The following MTAP variants were observed in gnomAD, a reference collection of about 807,000 sequenced individuals.
The protein encoded by MTAP is methylthioadenosine phosphorylase, also known as S-methyl-5'-thioadenosine phosphorylase.
A neutral mutation model predicts 33.6 loss-of-function variants in MTAP; 33 were observed. The observed-to-expected ratio is 0.98, with a 90% CI of 0.74 to 1.31. The LOEUF (loss-of-function observed/expected upper bound fraction) is 1.31, where lower values mean the gene tolerates loss of function less well. Among genes scored for constraint, MTAP ranks in the 40% most tolerant of loss-of-function variants. The pLI, the probability that MTAP is intolerant of heterozygous loss-of-function variation, is 0.00. For missense variants in MTAP, 367 were observed against 360.0 expected (o/e 1.02, Z -0.16); for synonymous variants, 148 against 125.7 (o/e 1.18, Z -1.19).
intron 1 of MTAP, among the ~76,000 whole-genome samples, chr9:21,885,809 TGTGTGTGTG>T: frequency 6.6e-6 from 1 of 151,844 alleles, no homozygotes; most frequent in African/African-American, 2.4e-5. Context: ...TGTGTGTGTG[TGTGTGTGTG>T]TGTATACAGA....
intron 5 of MTAP, among the ~76,000 whole-genome samples, chr9:21,848,399 T>C (rs1306082740): frequency 6.6e-6 from 1 of 152,090 alleles, no homozygotes; most frequent in African/African-American, 2.4e-5. Context: ...GGAAGGAAAA[T>C]GGAGTTGGAT....
intron 4 of MTAP, 97 bp downstream of exon 4, chr9:21,818,299 G>A: frequency 1.7e-6 from 1 of 599,676 alleles, no homozygotes; most frequent in Non-Finnish European, 2.8e-6. Context: ...TGGGAGGGCA[G>A]TGCCACAGAC....
downstream of MTAP, among the ~76,000 whole-genome samples, chr9:21,867,277 G>A (rs768973418): frequency 2.6e-5 from 4 of 152,094 alleles, no homozygotes; most frequent in Admixed American, 1.3e-4. Context: ...AGAGGATAGC[G>A]TCTAGTTTTT....
At position 21,921,109 on chromosome 9, in the gene MTAP, T is replaced by C. The variant is rs1000097877; in HGVS notation, c.148-9899T>C. Among the ~76,000 whole-genome samples the C allele has an allele frequency of 9.2e-5, 14 of 152,256 alleles. No individual in the cohort carries two copies. In the East Asian group the frequency reaches 2.3e-3, roughly 25 times the overall value. On this transcript the variant is annotated intron_variant, in intron 1 of 1. Transcript: ENST00000577563. ...TTTGTTCAAGTTATTTTTTTCTTTA[T>C]GATTCAATCTTAGTAAGTTGTATGT...
At chr9:21,926,648 G>A (rs1000925352) in intron 1 of MTAP, among the ~76,000 whole-genome samples, 1 of 152,154 alleles carries the variant, frequency 6.6e-6, no homozygotes, top group Non-Finnish European at 1.5e-5. Flanking sequence ...GCAAGTCTTG[G>A]CTAGAGATTT....
At chr9:21,924,815 C>G (rs1341228946) in intron 1 of MTAP, among the ~76,000 whole-genome samples, 1 of 152,226 alleles carries the variant, frequency 6.6e-6, no homozygotes, top group Non-Finnish European at 1.5e-5. Flanking sequence ...AGAGTTCAGA[C>G]TCCATTTAAT....
Position 21,837,982 on chromosome 9 carries a change from C to T in MTAP, c.422C>T (p.Ala141Val), listed in dbSNP as rs758710435. Residue 141 changes from alanine (A) to valine (V), a missense_variant, in exon 5 of 8, where the codon GCT becomes GTT. Coordinates refer to ENST00000644715, the MANE Select transcript of MTAP (RefSeq NM_002451.4). The part of the protein sequence containing the change: ...CARGVCHIPM[A>V]EPFCPKTREV... ...AGAGGAGTGTGCCATATTCCAATGG[C>T]TGAGCCGTTTTGCCCCAAAACGAGA... The T allele has an allele frequency of 1.2e-6, 2 of 1,614,032 alleles. No individual in the cohort carries two copies. Among genetic ancestry groups the T allele is most frequent in the Non-Finnish European group, 1.7e-6 (2 of 1,179,964 alleles).
intron 5 of MTAP, among the ~76,000 whole-genome samples, chr9:21,851,804 A>G (rs1333938663): frequency 3.3e-5 from 5 of 152,192 alleles, no homozygotes; most frequent in African/African-American, 1.2e-4. Flanking sequence ...GGATATAAGC[A>G]GGCAGAAAAT....
chr9:21,884,606 C>T (rs1052803160), intron 1 of MTAP, among the ~76,000 whole-genome samples: 4 of 152,020 alleles, frequency 2.6e-5, no homozygotes, highest in African/African-American at 9.7e-5. Flanking sequence ...GTAGTGGAGC[C>T]CCACTTTTTG....
At chr9:21,823,870 C>G (rs2118140362) in intron 4 of MTAP, among the ~76,000 whole-genome samples, 1 of 152,334 alleles carries the variant, frequency 6.6e-6, no homozygotes, top group South Asian at 2.1e-4. Context: ...TCTTCAATCA[C>G]TGATACCCTT....
intron 4 of MTAP, among the ~76,000 whole-genome samples, chr9:21,827,640 T>A (rs1563836752): frequency 6.6e-6 from 1 of 152,234 alleles, no homozygotes; most frequent in African/African-American, 2.4e-5. Context: ...CTAAGCCATG[T>A]GAGATCAAAG....
At chr9:21,825,374 T>A (rs1489323603) in intron 4 of MTAP, among the ~76,000 whole-genome samples, 1 of 152,220 alleles carries the variant, frequency 6.6e-6, no homozygotes, top group Non-Finnish European at 1.5e-5. Context: ...AAAATTTCAT[T>A]TCCTTATACA....
intron 1 of MTAP, among the ~76,000 whole-genome samples, chr9:21,886,259 A>C (rs1217512033): frequency 9.9e-5 from 15 of 151,966 alleles, no homozygotes; most frequent in Admixed American, 9.9e-4. Context: ...TCTTGTTTTC[A>C]GAATTTTCTA....
intron 5 of MTAP, among the ~76,000 whole-genome samples, chr9:21,849,452 A>T (rs1042547956): frequency 3.3e-5 from 5 of 152,156 alleles, no homozygotes; most frequent in African/African-American, 9.7e-5. Flanking sequence ...AGTGGGTCTT[A>T]TGGGTGCCTG....
intron 1 of MTAP, among the ~76,000 whole-genome samples, chr9:21,876,560 G>A (rs1826011784): frequency 6.6e-6 from 1 of 152,090 alleles, no homozygotes; most frequent in African/African-American, 2.4e-5. Context: ...GTATAAGAAA[G>A]GGGTCCAGCT....
At chr9:21,919,501 C>T (rs970563965) in intron 1 of MTAP, among the ~76,000 whole-genome samples, 1 of 152,174 alleles carries the variant, frequency 6.6e-6, no homozygotes, top group African/African-American at 2.4e-5. Flanking sequence ...TTGTAAACCA[C>T]TTTTGGATCC....
At chr9:21,926,022 G>A (rs1818863884) in intron 1 of MTAP, among the ~76,000 whole-genome samples, 1 of 152,150 alleles carries the variant, frequency 6.6e-6, no homozygotes, top group Admixed American at 6.5e-5. Flanking sequence ...CTTTTGGGTA[G>A]AGATATTTTA....
At chr9:21,928,233 C>T (rs1395681757) in intron 1 of MTAP, among the ~76,000 whole-genome samples, 11 of 152,192 alleles carry the variant, frequency 7.2e-5, no homozygotes, top group African/African-American at 2.4e-4. Flanking sequence ...ACTCATGCCA[C>T]CTTGAAAAGG....
In MTAP at chr9:21,821,411, A is replaced by G. The variant is rs190496054; in HGVS notation, c.347+3209A>G. ...GTAGTTTTTGTCTTTGGTTCTGTTT[A>G]TATGCTGGATTATGTTTATTGATTT... On this transcript the variant is annotated intron_variant, in intron 4 of 7. Coordinates refer to ENST00000644715, the MANE Select transcript of MTAP (RefSeq NM_002451.4). Among the ~76,000 whole-genome samples, 19 of 152,304 alleles carry G rather than the reference A, an allele frequency of 1.2e-4. 1 individual carries two copies. In the South Asian group the frequency reaches 2.1e-3, roughly 17 times the overall value.
Sources: allele counts gnomAD v4.1 joint callset (sites outside exome capture counted in the v4.1 genomes callset), GRCh38; gene constraint gnomAD v4.1.1; transcripts MANE v1.5; gene names NCBI Gene and HGNC (gene_info 2026-07-23, HGNC 2026-07-21).